The following COPB1 variants were observed in gnomAD, a reference collection of about 807,000 sequenced individuals.
The protein encoded by COPB1 is coatomer subunit beta.
Under a neutral mutation model 108.7 loss-of-function variants are expected in COPB1, and 21 were observed. The observed-to-expected ratio is 0.19, with a 90% CI of 0.14 to 0.28. The LOEUF (loss-of-function observed/expected upper bound fraction) is 0.28. Among genes scored for constraint, COPB1 ranks in the 10% least tolerant of loss-of-function variants. COPB1 has a pLI of 1.00. For synonymous variants in COPB1, 378 were observed against 386.8 expected (o/e 0.98, Z 0.27); for missense variants, 919 against 1,141.3 (o/e 0.81, Z 2.81).
chr11:14,470,108 AATC>A (rs1850367790), intron 14 of COPB1, among the ~76,000 whole-genome samples: 1 of 152,204 alleles, frequency 6.6e-6, no homozygotes, highest in South Asian at 2.1e-4. Flanking sequence ...AATTCAAATA[AATC>A]TCCCTAAATT....
intron 14 of COPB1, among the ~76,000 whole-genome samples, chr11:14,470,944 A>ACTCTCT (rs1162965849): frequency 7.8e-5 from 7 of 90,206 alleles, no homozygotes; most frequent in East Asian, 3.2e-4. Context: ...ACACACACAC[A>ACTCTCT]CTCTCTCTCT....
intron 1 of COPB1, 35 bp from the exon 2 acceptor site, chr11:14,499,020 T>TA (rs3214792): frequency 0.4 from 319,637 of 789,472 alleles, 28,678 homozygotes; most frequent in Admixed American, 0.47. Flanking sequence ...CATTACAAAT[T>TA]AAAAAAAAAA....
intron 18 of COPB1, among the ~76,000 whole-genome samples, chr11:14,461,570 T>C (rs926024270): frequency 6.6e-6 from 1 of 152,208 alleles, no homozygotes; most frequent in Non-Finnish European, 1.5e-5. Flanking sequence ...GCAGAGAAGT[T>C]AAGTAAGTTG....
At position 14,460,053 on chromosome 11, in the gene COPB1, A is replaced by G. The variant is rs748755221; in HGVS notation, c.2646+155T>C. 1.6e-5 allele frequency: 9 copies of G among 559,416 alleles called. No homozygotes were observed. In the East Asian group the frequency reaches 2.4e-4, roughly 15 times the overall value. 34.7% of individuals were successfully genotyped at this position (559,416 alleles called of 1,614,324 possible). A position where few individuals can be genotyped will look rare whatever the true frequency, so the allele number is the denominator to read the frequency against. On this transcript the variant is annotated intron_variant, in intron 20 of 21. Transcript: ENST00000439561. The stretch of plus-strand genomic sequence containing the variant: ...ATGGTATAGTCCAATAGAAAGAGGT[A>G]AGCAGATTCCAACATTCTATGGGAT...
At chr11:14,461,990 A>G (rs1252919381) in intron 18 of COPB1, among the ~76,000 whole-genome samples, 1 of 152,206 alleles carries the variant, frequency 6.6e-6, no homozygotes, top group Admixed American at 6.5e-5. Context: ...TGCTATGTAA[A>G]TAGTTATACT....
chr11:14,471,068 T>C (rs1850392562), intron 14 of COPB1, among the ~76,000 whole-genome samples: 1 of 152,134 alleles, frequency 6.6e-6, no homozygotes, highest in Non-Finnish European at 1.5e-5. Flanking sequence ...TAGAATCCTA[T>C]ACCCACAAAG....
intron 2 of COPB1, among the ~76,000 whole-genome samples, chr11:14,497,625 A>T (rs541230986): frequency 3.9e-5 from 6 of 152,356 alleles, no homozygotes; most frequent in African/African-American, 1.4e-4. Flanking sequence ...TATGGAGAAC[A>T]GTTTGGAGGG....
Position 14,483,028 on chromosome 11 carries a change from T to G in COPB1, c.957+4A>C. 2 of 1,540,784 alleles carry G rather than the reference T, an allele frequency of 1.3e-6. No homozygotes were observed. Among genetic ancestry groups the G allele is most frequent in the Non-Finnish European group, 1.8e-6 (2 of 1,131,952 alleles). On this transcript the variant is annotated splice_donor_region_variant and intron_variant, in intron 8 of 21. Transcript: ENST00000439561. ...AGGATCTCTCTTTTTCAGATAACAC[T>G]TACCTGTAGTACTCGTTCATGAGCA... is the stretch of plus-strand genomic sequence containing the variant.
At chr11:14,472,540 C>A (rs747911471) in intron 14 of COPB1, among the ~76,000 whole-genome samples, 1 of 152,210 alleles carries the variant, frequency 6.6e-6, no homozygotes. Context: ...AAGAGTCAGC[C>A]TATCCTTTGA....
At chr11:14,473,077 C>T (rs897025666) in intron 14 of COPB1, among the ~76,000 whole-genome samples, 5 of 152,118 alleles carry the variant, frequency 3.3e-5, no homozygotes, top group Non-Finnish European at 7.3e-5. Context: ...CATGTTCAAA[C>T]AATTCTCCTG....
intron 5 of COPB1, among the ~76,000 whole-genome samples, chr11:14,489,099 C>A (rs1850838186): frequency 6.6e-6 from 1 of 152,184 alleles, no homozygotes; most frequent in African/African-American, 2.4e-5. Context: ...ACCAATTACA[C>A]AAGAGGACAA....
chr11:14,470,899 TACACACACAC>T (rs56957263), intron 14 of COPB1, among the ~76,000 whole-genome samples: 2,192 of 134,830 alleles, frequency 0.016, 34 homozygotes, highest in African/African-American at 0.047. Context: ...GTGGAAGAAA[TACACACACAC>T]ACACACACAC....
At position 14,483,024 on chromosome 11, in the gene COPB1, A is replaced by G. The variant is rs761956020; in HGVS notation, c.957+8T>C. The G allele has an allele frequency of 3.8e-5, 58 of 1,533,906 alleles. No homozygotes were observed. The African/African-American group carries it at 7.2e-4, about 19-fold the overall frequency. Reference sequence around the variant, plus strand: ...ATTTAGGATCTCTCTTTTTCAGATAACACTTACCTGTAGTACTCGTTCATG... The same window carrying G: ...ATTTAGGATCTCTCTTTTTCAGATAGCACTTACCTGTAGTACTCGTTCATG... On this transcript the variant is annotated splice_region_variant and intron_variant, in intron 8 of 21. Coordinates refer to ENST00000439561, the MANE Select transcript of COPB1 (RefSeq NM_001144061.2).
chr11:14,467,317 G>A (rs534153349), intron 16 of COPB1, among the ~76,000 whole-genome samples: 152 of 152,084 alleles, frequency 1.0e-3, no homozygotes, highest in African/African-American at 3.4e-3. Context: ...TTAGGAAAAT[G>A]CAAATCAAAA....
At chr11:14,496,038 A>G (rs1851010048) in intron 2 of COPB1, among the ~76,000 whole-genome samples, 1 of 152,206 alleles carries the variant, frequency 6.6e-6, no homozygotes, top group African/African-American at 2.4e-5. Flanking sequence ...TAAGTAACCT[A>G]GAATCAGGAG....
At position 14,498,025 on chromosome 11, in the gene COPB1, G is replaced by T. The variant is rs891562366; in HGVS notation, c.91+813C>A. 5.3e-5 allele frequency among the ~76,000 whole-genome samples: 8 copies of T among 152,194 alleles called. 1 individual carries two copies. Among genetic ancestry groups the T allele is most frequent in the Admixed American group, 2.6e-4 (4 of 15,276 alleles). On this transcript the variant is annotated intron_variant, in intron 2 of 21. Transcript: ENST00000439561. ...CTCACGGAGACAGAGTAAAAGGATGGTTATCAGAGGTGGGAAGGGTAGTGG... is the reference window on the plus strand; with the variant it reads ...CTCACGGAGACAGAGTAAAAGGATGTTTATCAGAGGTGGGAAGGGTAGTGG...
intron 4 of COPB1, among the ~76,000 whole-genome samples, chr11:14,490,942 A>C (rs1326194293): frequency 1.3e-5 from 2 of 152,020 alleles, no homozygotes; most frequent in African/African-American, 4.8e-5. Context: ...GGTGCCCACC[A>C]CTATGCCCAG....
In COPB1 at chr11:14,483,171, C is replaced by T; in HGVS notation, c.838-20G>A. 4.0e-6 allele frequency: 6 copies of T among 1,508,982 alleles called. No homozygotes were observed. Among genetic ancestry groups the T allele is most frequent in the Non-Finnish European group, 4.5e-6 (5 of 1,116,022 alleles). The allele number at this position is 1,508,982 out of a possible 1,614,324, so 93.5% of individuals were successfully genotyped here. A position where few individuals can be genotyped will look rare whatever the true frequency, so the allele number is the denominator to read the frequency against. On this transcript the variant is annotated intron_variant, in intron 7 of 21. Transcript: ENST00000439561. ...AGCAGCCTATATAAAAAAAGAAATA[C>T]ATTTTAAGAAGTTATTCATCTATCA...
At chr11:14,473,244 T>C (rs930259096) in intron 14 of COPB1, among the ~76,000 whole-genome samples, 1 of 152,066 alleles carries the variant, frequency 6.6e-6, no homozygotes, top group African/African-American at 2.4e-5. Context: ...AAAGTGCTGG[T>C]GTGAGTCACC....
Sources: allele counts gnomAD v4.1 joint callset (sites outside exome capture counted in the v4.1 genomes callset), GRCh38; gene constraint gnomAD v4.1.1; transcripts MANE v1.5; gene names NCBI Gene and HGNC (gene_info 2026-07-23, HGNC 2026-07-21).